The following KLF8 variants were observed in gnomAD, a reference collection of about 807,000 sequenced individuals.
KLF8 encodes the protein Krueppel-like factor 8.
KLF8 carries 10 observed loss-of-function variants against 18.2 expected under a neutral mutation model. The ratio of observed to expected loss-of-function variants is 0.55; its 90% confidence interval spans 0.34 to 0.93. The LOEUF (loss-of-function observed/expected upper bound fraction) is 0.93, where lower values mean the gene tolerates loss of function less well. KLF8 is among the 40% of genes least tolerant of loss of function. The pLI is 0.02. For missense variants in KLF8, 264 were observed against 277.9 expected (o/e 0.95, Z 0.36); for synonymous variants, 109 against 97.3 (o/e 1.12, Z -0.71).
At chrX:56,253,026 T>C (rs2066734795) in intron 2 of KLF8, among the ~76,000 whole-genome samples, 1 of 112,772 alleles carries the variant, frequency 8.9e-6, no homozygotes, top group South Asian at 3.6e-4. Flanking sequence ...GAAATGTCTA[T>C]TCAAATGTTT....
the KLF8 span, among the ~76,000 whole-genome samples, chrX:55,918,088 T>C: frequency 8.9e-6 from 1 of 112,000 alleles, no homozygotes; most frequent in East Asian, 2.8e-4. Context: ...TTTCCTTGAA[T>C]GGAAATAAGA....
At chrX:56,281,619 GGCTGGTCTCGAACTCCT>G (rs1050275181) in intron 5 of KLF8, among the ~76,000 whole-genome samples, 1 of 111,334 alleles carries the variant, frequency 9.0e-6, no homozygotes, top group African/African-American at 3.3e-5. Context: ...ATGTTGGCCA[GGCTGGTCTCGAACTCCT>G]GACCTCAAGT....
chrX:55,923,046 A>C, the KLF8 span, among the ~76,000 whole-genome samples: 2 of 111,479 alleles, frequency 1.8e-5, no homozygotes, highest in South Asian at 7.7e-4. Context: ...TTGCAGCACT[A>C]TTCACAATAG....
chrX:56,050,279 G>C, the KLF8 span, among the ~76,000 whole-genome samples: 14 of 111,175 alleles, frequency 1.3e-4, no homozygotes, highest in Non-Finnish European at 2.3e-4. Flanking sequence ...CAGTTCTGCT[G>C]TGATTTTAGT....
chrX:56,040,883 GGGC>G, the KLF8 span, among the ~76,000 whole-genome samples: 1 of 22,971 alleles, frequency 4.4e-5, no homozygotes, highest in Non-Finnish European at 7.8e-5. Context: ...GTCTGGTCTT[GGGC>G]TTTTTTTTTT....
the KLF8 span, among the ~76,000 whole-genome samples, chrX:55,981,866 C>T: frequency 8.9e-6 from 1 of 111,953 alleles, no homozygotes; most frequent in Admixed American, 9.5e-5. Context: ...AGCAGACATC[C>T]TTCCTTTGCT....
At chrX:56,149,938 C>A in the KLF8 span, among the ~76,000 whole-genome samples, 4 of 110,721 alleles carry the variant, frequency 3.6e-5, no homozygotes, top group Non-Finnish European at 7.6e-5. Flanking sequence ...ACTTTAGAGA[C>A]TTCTATTAAT....
chrX:56,029,902 G>A, the KLF8 span, among the ~76,000 whole-genome samples: 1 of 111,846 alleles, frequency 8.9e-6, no homozygotes, highest in East Asian at 2.8e-4. Context: ...TTTCTCTGCG[G>A]CTTGTTGCAT....
chrX:56,284,807 G>T lies in KLF8; in HGVS notation c.*313G>T, dbSNP rs1334553594. 1 of 224,001 alleles carries T rather than the reference G, an allele frequency of 4.5e-6. No individual in the cohort carries two copies. The highest frequency in any genetic ancestry group is 8.0e-6 in the Non-Finnish European group (1 of 125,550). The allele number at this position is 224,001 out of a possible 1,213,427, so 18.5% of individuals were successfully genotyped here. A position where few individuals can be genotyped will look rare whatever the true frequency, so the allele number is the denominator to read the frequency against. On this transcript the variant is annotated 3_prime_UTR_variant, in exon 6 of 6. Coordinates refer to ENST00000468660, the MANE Select transcript of KLF8 (RefSeq NM_007250.5). ...CATTTTTCCTACAGTAACAAAACAG[G>T]AATCAAACTCAAGGCTGTGAACAAA... is the stretch of plus-strand genomic sequence containing the variant.
the KLF8 span, among the ~76,000 whole-genome samples, chrX:55,933,370 A>G: frequency 3.6e-5 from 4 of 111,932 alleles, no homozygotes; most frequent in African/African-American, 1.3e-4. Context: ...AGATCTACTT[A>G]CGTAAGTGGT....
At chrX:55,949,994 T>A in the KLF8 span, among the ~76,000 whole-genome samples, 2 of 111,191 alleles carry the variant, frequency 1.8e-5, no homozygotes, top group Admixed American at 9.6e-5. Context: ...CAATTATTAT[T>A]ATAAAATGAC....
the KLF8 span, among the ~76,000 whole-genome samples, chrX:56,221,343 T>C: frequency 1.8e-5 from 2 of 111,571 alleles, no homozygotes; most frequent in African/African-American, 6.5e-5. Context: ...AATATGAACA[T>C]GCAAAAAGGA....
the KLF8 span, among the ~76,000 whole-genome samples, chrX:56,046,337 G>T: frequency 9.0e-6 from 1 of 111,240 alleles, no homozygotes; most frequent in African/African-American, 3.3e-5. Flanking sequence ...TCTGGTTTTG[G>T]TATTAGGATT....
the KLF8 span, among the ~76,000 whole-genome samples, chrX:55,915,996 A>G: frequency 1.8e-5 from 2 of 111,438 alleles, no homozygotes; most frequent in Non-Finnish European, 3.8e-5. Flanking sequence ...TAGCTCCCTC[A>G]TCTCTCGAGT....
the KLF8 span, among the ~76,000 whole-genome samples, chrX:55,947,215 T>G: frequency 9.0e-6 from 1 of 110,512 alleles, no homozygotes; most frequent in Non-Finnish European, 1.9e-5. Flanking sequence ...CTATTCACAA[T>G]AGTAAAGACT....
At chrX:56,139,370 C>T in the KLF8 span, among the ~76,000 whole-genome samples, 2 of 111,839 alleles carry the variant, frequency 1.8e-5, no homozygotes, top group African/African-American at 6.5e-5. Flanking sequence ...AAGAACACAG[C>T]TAGAGGCATC....
chrX:56,192,647 G>A, the KLF8 span, among the ~76,000 whole-genome samples: 1 of 111,657 alleles, frequency 9.0e-6, no homozygotes, highest in Admixed American at 9.5e-5. Flanking sequence ...TGCAAAACCT[G>A]GAAACAAATC....
chrX:55,989,074 T>G, the KLF8 span, among the ~76,000 whole-genome samples: 2 of 111,927 alleles, frequency 1.8e-5, no homozygotes, highest in Non-Finnish European at 3.8e-5. Context: ...CATTGCTGAA[T>G]TTGCCTATCA....
the KLF8 span, among the ~76,000 whole-genome samples, chrX:56,005,143 A>G: frequency 9.1e-6 from 1 of 109,898 alleles, no homozygotes; most frequent in Admixed American, 9.7e-5. Context: ...CCCAGGTTCA[A>G]GCAATTCTCC....
Sources: gnomAD v4.1 joint callset for allele counts (sites outside exome capture counted in the v4.1 genomes callset) on GRCh38, gnomAD v4.1.1 for gene constraint, MANE v1.5 for transcripts, NCBI Gene and HGNC (gene_info 2026-07-23, HGNC 2026-07-21) for gene names.